The following ARID3A variants were observed in gnomAD, a reference collection of about 807,000 sequenced individuals.
ARID3A encodes AT-rich interaction domain 3A, also known as AT-rich interactive domain-containing protein 3A.
Under a neutral mutation model 52.7 loss-of-function variants are expected in ARID3A, and 11 were observed. The observed-to-expected ratio is 0.21, with a 90% CI of 0.13 to 0.35. The LOEUF is 0.35. ARID3A is among the 10% of genes least tolerant of loss of function. The pLI, the probability that ARID3A is intolerant of heterozygous loss-of-function variation, is 1.00. For missense variants in ARID3A, 721 were observed against 838.5 expected (o/e 0.86, Z 1.73); for synonymous variants, 404 against 359.4 (o/e 1.12, Z -1.40).
At chr19:932,011 T>C (rs1218078672) in intron 2 of ARID3A, among the ~76,000 whole-genome samples, 1 of 151,788 alleles carries the variant, frequency 6.6e-6, no homozygotes, top group East Asian at 1.9e-4. Context: ...CTTTTTTTTT[T>C]TCCCAAGAGA....
chr19:961,007 T>G (rs2038029199), intron 4 of ARID3A, among the ~76,000 whole-genome samples: 1 of 152,062 alleles, frequency 6.6e-6, no homozygotes, highest in Admixed American at 6.5e-5. Flanking sequence ...GGCTTCCGTC[T>G]CGCCTCCAAG....
intron 3 of ARID3A, among the ~76,000 whole-genome samples, chr19:945,459 C>T (rs774263471): frequency 6.6e-6 from 1 of 152,174 alleles, no homozygotes; most frequent in African/African-American, 2.4e-5. Flanking sequence ...AGCCCACCTC[C>T]GTCTGCTCCC....
intron 3 of ARID3A, among the ~76,000 whole-genome samples, chr19:946,874 G>A (rs1045318402): frequency 6.6e-6 from 1 of 151,834 alleles, no homozygotes; most frequent in African/African-American, 2.4e-5. Flanking sequence ...GCTCACTGCA[G>A]CCTCGAGCTC....
intron 3 of ARID3A, among the ~76,000 whole-genome samples, chr19:943,949 T>C (rs1414483074): frequency 6.7e-6 from 1 of 149,214 alleles, no homozygotes; most frequent in Non-Finnish European, 1.5e-5. Flanking sequence ...AGCCCGACCC[T>C]CTCATGGGCA....
chr19:951,757 G>T (rs1006366761), intron 3 of ARID3A, among the ~76,000 whole-genome samples: 2 of 152,158 alleles, frequency 1.3e-5, no homozygotes, highest in African/African-American at 4.8e-5. Flanking sequence ...CTGAGCATCC[G>T]CAGACCTATA....
chr19:929,528 C>G lies in ARID3A; in HGVS notation c.-1C>G, dbSNP rs1266105646. On this transcript the variant is annotated 5_prime_UTR_variant, in exon 2 of 9. Transcript: ENST00000263620. The surrounding 1 kb of genome is among the most constrained non-coding windows in gnomAD (Gnocchi z 6.2). ...GTGGTGGTGGCCCGGGCCGCAGGGC[C>G]ATGAAACTACAGGCCGTGATGGAGA... is the stretch of plus-strand genomic sequence containing the variant. 3.3e-6 allele frequency: 5 copies of G among 1,514,132 alleles called. No homozygotes were observed. Among genetic ancestry groups the G allele is most frequent in the Admixed American group, 2.0e-5 (1 of 49,810 alleles). The allele number at this position is 1,514,132 out of a possible 1,614,324, so 93.8% of individuals were successfully genotyped here. A position where few individuals can be genotyped will look rare whatever the true frequency, so the allele number is the denominator to read the frequency against.
chr19:969,597 G>GAT (rs1445010394), intron 8 of ARID3A, among the ~76,000 whole-genome samples: 2 of 150,850 alleles, frequency 1.3e-5, no homozygotes, highest in Non-Finnish European at 3.0e-5. Flanking sequence ...GCTATACATA[G>GAT]ATATATATAG....
Position 960,188 on chromosome 19 carries a change from C to G in ARID3A, c.766+24C>G. 2 of 1,587,940 alleles carry G rather than the reference C, an allele frequency of 1.3e-6. No individual in the cohort carries two copies. Among genetic ancestry groups the G allele is most frequent in the Non-Finnish European group, 8.6e-7 (1 of 1,163,014 alleles). ...AGGTGAGCCCTCTGCCCCCACCCCG[C>G]TGGAGGGAGGTCACAGAAACAGGGC... On this transcript the variant is annotated intron_variant, in intron 4 of 8. Transcript: ENST00000263620. This position sits in a 1 kb window ranked among gnomAD's most constrained non-coding sequence, Gnocchi z 4.3.
At chr19:953,477 C>T (rs993587700) in intron 3 of ARID3A, among the ~76,000 whole-genome samples, 2 of 143,362 alleles carry the variant, frequency 1.4e-5, no homozygotes, top group African/African-American at 2.6e-5. Context: ...CCTCCCACAC[C>T]CCCCCCCGTG....
At chr19:948,862 A>G (rs1189131071) in intron 3 of ARID3A, among the ~76,000 whole-genome samples, 1 of 151,748 alleles carries the variant, frequency 6.6e-6, no homozygotes, top group African/African-American at 2.4e-5. Flanking sequence ...GGCGTGCGCC[A>G]CCACGCCCGG....
In ARID3A at chr19:972,605, T is replaced by G. The variant is rs1192447535; in HGVS notation, c.*540T>G. ...CCCTGAACCAAGATCACTGAATTTT[T>G]GTTTTTTTCTTGTTGCTTTGGGAAA... On this transcript the variant is annotated 3_prime_UTR_variant, in exon 9 of 9. Transcript: ENST00000263620. The G allele has an allele frequency of 4.5e-6, 1 of 222,556 alleles. No individual in the cohort carries two copies. The highest frequency in any genetic ancestry group is 2.2e-5 in the African/African-American group (1 of 44,588). The allele number at this position is 222,556 out of a possible 1,614,324, so 13.8% of individuals were successfully genotyped here. A position where few individuals can be genotyped will look rare whatever the true frequency, so the allele number is the denominator to read the frequency against.
At chr19:970,782 T>G (rs1192686932) in intron 8 of ARID3A, among the ~76,000 whole-genome samples, 1 of 151,972 alleles carries the variant, frequency 6.6e-6, no homozygotes, top group Non-Finnish European at 1.5e-5. Flanking sequence ...GGTAAATGAA[T>G]AGTTTTTCTT....
Position 960,038 on chromosome 19 carries a change from T to C in ARID3A, c.694-54T>C, listed in dbSNP as rs1267108560. On this transcript the variant is annotated intron_variant, in intron 3 of 8. Coordinates refer to ENST00000263620, the MANE Select transcript of ARID3A (RefSeq NM_005224.3). The surrounding 1 kb of genome is among the most constrained non-coding windows in gnomAD (Gnocchi z 4.3). ...GGCCTCCAGTGCAGGAGGGACATGGTTCCCACACCTGAGCTCTGGCACCAA... is the reference window on the plus strand; with the variant it reads ...GGCCTCCAGTGCAGGAGGGACATGGCTCCCACACCTGAGCTCTGGCACCAA... 9 of 1,521,898 alleles carry C rather than the reference T, an allele frequency of 5.9e-6. No individual in the cohort carries two copies. The highest frequency in any genetic ancestry group is 1.7e-4 in the Middle Eastern group (1 of 5,842). 94.3% of individuals were successfully genotyped at this position (1,521,898 alleles called of 1,614,324 possible).
At chr19:954,608 G>A (rs1453644866) in intron 3 of ARID3A, among the ~76,000 whole-genome samples, 1 of 152,202 alleles carries the variant, frequency 6.6e-6, no homozygotes, top group Non-Finnish European at 1.5e-5. Context: ...GAGGGCTGGG[G>A]GTCCAAGGGG....
intron 7 of ARID3A, among the ~76,000 whole-genome samples, chr19:968,050 A>C (rs918822492): frequency 1.4e-5 from 2 of 147,838 alleles, no homozygotes; most frequent in African/African-American, 5.0e-5. Context: ...GTCTCAAAAA[A>C]AAAAAAAAAG....
intron 3 of ARID3A, among the ~76,000 whole-genome samples, chr19:943,297 A>G (rs2037596394): frequency 6.6e-6 from 1 of 150,534 alleles, no homozygotes; most frequent in Admixed American, 6.6e-5. Context: ...ACGGGCGCGC[A>G]GTGTCTCATG....
intron 1 of ARID3A, among the ~76,000 whole-genome samples, chr19:926,608 G>T (rs1342178574): frequency 1.3e-5 from 2 of 151,796 alleles, no homozygotes; most frequent in Non-Finnish European, 2.9e-5. Flanking sequence ...CCCCAGCCGG[G>T]CTGGTTTATT....
chr19:933,637 A>G (rs933268529), intron 3 of ARID3A, among the ~76,000 whole-genome samples: 15 of 151,824 alleles, frequency 9.9e-5, no homozygotes, highest in African/African-American at 3.4e-4. Context: ...CGCTCTGAGG[A>G]GCCTCCTAGG....
chr19:930,539 T>C (rs983925033), intron 2 of ARID3A, among the ~76,000 whole-genome samples: 5 of 149,336 alleles, frequency 3.3e-5, no homozygotes, highest in Non-Finnish European at 7.4e-5. Flanking sequence ...GACAGAGTCT[T>C]GCTCTTTTCG....
Sources: allele counts gnomAD v4.1 joint callset (sites outside exome capture counted in the v4.1 genomes callset), GRCh38; gene constraint gnomAD v4.1.1; non-coding constraint Gnocchi (gnomAD v3.1); transcripts MANE v1.5; gene names NCBI Gene and HGNC (gene_info 2026-07-23, HGNC 2026-07-21).